The following NFASC variants were observed in gnomAD, a reference collection of about 807,000 sequenced individuals.
The protein encoded by NFASC is neurofascin, also known as neurofascin homolog.
NFASC carries 43 observed loss-of-function variants against 147.5 expected under a neutral mutation model. The observed-to-expected ratio is 0.29, with a 90% CI of 0.23 to 0.38. NFASC has a LOEUF of 0.38. Ranked by LOEUF, NFASC falls within the 10% of genes least tolerant of loss-of-function variation. NFASC has a pLI of 1.00. For synonymous variants in NFASC, 622 were observed against 665.5 expected (o/e 0.93, Z 1.01); for missense variants, 1,320 against 1,689.0 (o/e 0.78, Z 3.83).
At chr1:204,864,693 G>A (rs1400330544) in intron 1 of NFASC, among the ~76,000 whole-genome samples, 1 of 152,134 alleles carries the variant, frequency 6.6e-6, no homozygotes, top group Non-Finnish European at 1.5e-5. Flanking sequence ...AGAAATGTCT[G>A]TTCAAAGTTC....
intron 27 of NFASC, among the ~76,000 whole-genome samples, chr1:205,004,495 G>A (rs895042676): frequency 1.3e-5 from 2 of 152,238 alleles, no homozygotes; most frequent in Non-Finnish European, 2.9e-5. Flanking sequence ...GCTGGAGTGG[G>A]CAGGTTGATG....
intron 2 of NFASC, 63 bp from the exon 3 acceptor site, chr1:204,944,163 G>A: frequency 6.9e-7 from 1 of 1,459,058 alleles, no homozygotes; most frequent in Non-Finnish European, 9.3e-7. Context: ...AAGCCCTGTA[G>A]GATTGCTAGA....
At chr1:204,901,650 C>A (rs1158011428) in intron 1 of NFASC, among the ~76,000 whole-genome samples, 1 of 152,144 alleles carries the variant, frequency 6.6e-6, no homozygotes, top group East Asian at 1.9e-4. Context: ...CTTCTGAGGC[C>A]TTTCCTTGTG....
chr1:204,927,847 AG>A (rs1366553732), intron 2 of NFASC, among the ~76,000 whole-genome samples: 1 of 152,178 alleles, frequency 6.6e-6, no homozygotes, highest in East Asian at 1.9e-4. Context: ...CTCTCCCTCC[AG>A]CTGTGAAGAA....
In NFASC at chr1:204,969,804, G is replaced by A. The variant is rs191466624; in HGVS notation, c.1004-812G>A. On this transcript the variant is annotated intron_variant, in intron 10 of 29. Transcript: ENST00000339876. The stretch of plus-strand genomic sequence containing the variant: ...CAGCTGAGAACTGCTCTAGCTGGGC[G>A]TGGTGGCTCATGCCTGTAATCCTAG... Among the ~76,000 whole-genome samples, 26 of 152,276 alleles carry A rather than the reference G, an allele frequency of 1.7e-4. No individual in the cohort carries two copies. In the South Asian group the frequency reaches 3.1e-3, roughly 18 times the overall value.
chr1:204,999,393 T>C (rs968139724), intron 25 of NFASC: 8 of 152,202 alleles, frequency 5.3e-5, no homozygotes, highest in African/African-American at 1.9e-4. Flanking sequence ...ACAGCCAGAT[T>C]TGAGTCAATT....
At chr1:204,989,915 C>T (rs72753438) in intron 23 of NFASC, 3,208 of 152,380 alleles carry the variant, frequency 0.021, 65 homozygotes, top group Middle Eastern at 0.11. Flanking sequence ...GGGTCAGGTC[C>T]CGTGGCCTGG....
In NFASC at chr1:205,020,425, G is replaced by A. The variant is rs183223617; in HGVS notation, c.*3886G>A. On this transcript the variant is annotated 3_prime_UTR_variant, in exon 30 of 30. Coordinates refer to ENST00000339876, the MANE Select transcript of NFASC (RefSeq NM_001005388.3). ...TCCAACATTGTCTTGGAGAGGGTTA[G>A]TCCACATCCAAGTTGCGTGAGATAA... 8 of 152,428 alleles carry A rather than the reference G, an allele frequency of 5.2e-5. No individual in the cohort carries two copies. In the East Asian group the frequency reaches 1.5e-3, roughly 29 times the overall value. The allele number at this position is 152,428 out of a possible 1,614,324, so 9.4% of individuals were successfully genotyped here. A position where few individuals can be genotyped will look rare whatever the true frequency, so the allele number is the denominator to read the frequency against.
chr1:204,966,319 G>A (rs960654702), intron 8 of NFASC, among the ~76,000 whole-genome samples: 4 of 152,094 alleles, frequency 2.6e-5, no homozygotes, highest in Non-Finnish European at 5.9e-5. Flanking sequence ...TAAATTAAAC[G>A]TCCATAGGGT....
intron 1 of NFASC, among the ~76,000 whole-genome samples, chr1:204,899,657 A>G (rs375096316): frequency 1.2e-4 from 18 of 152,220 alleles, no homozygotes; most frequent in African/African-American, 4.3e-4. Flanking sequence ...GGAAAGAAAG[A>G]AAGAAAGAGA....
chr1:204,970,606 T>G lies in NFASC; in HGVS notation c.1004-10T>G. 1 of 1,613,670 alleles carries G rather than the reference T, an allele frequency of 6.2e-7. No homozygotes were observed. The highest frequency in any genetic ancestry group is 8.5e-7 in the Non-Finnish European group (1 of 1,180,028). ...CTAACTCCCCTGCCTGTGTCTGTCTTGTCTTCCAGCTGCTCCCTACTGGCT... is the reference window on the plus strand; with the variant it reads ...CTAACTCCCCTGCCTGTGTCTGTCTGGTCTTCCAGCTGCTCCCTACTGGCT... On this transcript the variant is annotated splice_polypyrimidine_tract_variant and intron_variant, in intron 10 of 29. Coordinates refer to ENST00000339876, the MANE Select transcript of NFASC (RefSeq NM_001005388.3).
chr1:204,838,719 C>T (rs998810980), intron 1 of NFASC, among the ~76,000 whole-genome samples: 3 of 152,158 alleles, frequency 2.0e-5, no homozygotes, highest in Non-Finnish European at 4.4e-5. Context: ...GAAAGGTTCC[C>T]GGTCCTGATC....
Position 204,970,879 on chromosome 1 carries a change from C to T in NFASC, c.1135+132C>T, listed in dbSNP as rs371097272. ...GAGAAGCCCACTGGTGGCTGTTTCT[C>T]AGCTGCCCATCTCTTCAGACATCTC... On this transcript the variant is annotated intron_variant, in intron 11 of 29. Coordinates refer to ENST00000339876, the MANE Select transcript of NFASC (RefSeq NM_001005388.3). 3.9e-5 allele frequency: 44 copies of T among 1,115,016 alleles called. No homozygotes were observed. In the African/African-American group the frequency reaches 5.6e-4, roughly 14 times the overall value. The allele number at this position is 1,115,016 out of a possible 1,614,324, so 69.1% of individuals were successfully genotyped here.
intron 1 of NFASC, among the ~76,000 whole-genome samples, chr1:204,871,669 G>A (rs770955278): frequency 3.3e-5 from 5 of 152,204 alleles, no homozygotes; most frequent in Non-Finnish European, 7.3e-5. Flanking sequence ...GGGAGGAAGT[G>A]AGAATAGTCC....
At chr1:204,984,404 T>TACGC (rs2095572956) in intron 21 of NFASC, 1 of 154,748 alleles carries the variant, frequency 6.5e-6, no homozygotes, top group African/African-American at 2.5e-5. Context: ...TATATATATA[T>TACGC]ATATATACAC....
intron 3 of NFASC, among the ~76,000 whole-genome samples, 182 bp from the exon 4 acceptor site, chr1:204,950,375 A>C (rs898770196): frequency 6.6e-6 from 1 of 152,028 alleles, no homozygotes; most frequent in African/African-American, 2.4e-5. Context: ...CCGTTCCCCA[A>C]CCCTGCTTGG....
chr1:204,874,642 G>A (rs756915363), intron 1 of NFASC, among the ~76,000 whole-genome samples: 1 of 152,120 alleles, frequency 6.6e-6, no homozygotes, highest in South Asian at 2.1e-4. Context: ...CGCCTCTGCC[G>A]GTGCCCTTCT....
intron 1 of NFASC, among the ~76,000 whole-genome samples, chr1:204,866,214 A>G (rs16854571): frequency 0.014 from 2,126 of 152,312 alleles, 45 homozygotes; most frequent in African/African-American, 0.048. Flanking sequence ...AAGAGGCAGA[A>G]TAAGCTGTAT....
At chr1:204,864,394 A>G (rs1464074179) in intron 1 of NFASC, among the ~76,000 whole-genome samples, 1 of 152,190 alleles carries the variant, frequency 6.6e-6, no homozygotes, top group Non-Finnish European at 1.5e-5. Flanking sequence ...GTGAAATTGC[A>G]GGGTCGTATA....
Sources: allele counts gnomAD v4.1 joint callset (sites outside exome capture counted in the v4.1 genomes callset), GRCh38; gene constraint gnomAD v4.1.1; transcripts MANE v1.5; gene names NCBI Gene and HGNC (gene_info 2026-07-23, HGNC 2026-07-21).